SMC5: variants seen among roughly 807,000 people sequenced by gnomAD.
The protein encoded by SMC5 is structural maintenance of chromosomes protein 5.
Under a neutral mutation model 148.3 loss-of-function variants are expected in SMC5, and 88 were observed. The observed-to-expected ratio is 0.59, with a 90% CI of 0.50 to 0.71. SMC5 has a LOEUF of 0.71. Ranked by LOEUF, SMC5 falls within the 30% of genes least tolerant of loss-of-function variation. The pLI, the probability that SMC5 is intolerant of heterozygous loss-of-function variation, is 0.00. For missense variants in SMC5, 1,142 were observed against 1,298.9 expected (o/e 0.88, Z 1.86); for synonymous variants, 421 against 432.8 (o/e 0.97, Z 0.34).
intron 17 of SMC5, among the ~76,000 whole-genome samples, chr9:70,335,148 A>C (rs964818301): frequency 6.6e-6 from 1 of 152,222 alleles, no homozygotes; most frequent in South Asian, 2.1e-4. Flanking sequence ...GAATATGTCT[A>C]TGAAAGACTG....
At chr9:70,259,427 T>C (rs1231099014) in intron 1 of SMC5, among the ~76,000 whole-genome samples, 164 bp downstream of exon 1, 2 of 152,162 alleles carry the variant, frequency 1.3e-5, no homozygotes, top group Non-Finnish European at 2.9e-5. Flanking sequence ...ACGTAGGCTG[T>C]GGAGATTGAC....
Position 70,314,761 on chromosome 9 carries a change from T to C in SMC5, c.1598T>C (p.Leu533Ser). The C allele has an allele frequency of 6.4e-7, 1 of 1,554,932 alleles. No individual in the cohort carries two copies. The highest frequency in any genetic ancestry group is 1.3e-5 in the South Asian group (1 of 79,956). Residue 533 changes from leucine to serine, a missense_variant, in exon 12 of 25, where the codon TTA becomes TCA. Transcript: ENST00000361138. ...FLKEVRDNKK[L>S]RVNAVIAPKS... ...ATTCAGGTTCGTGACAATAAAAAAT[T>C]AAGAGTAAATGCTGTTATTGCTCCC...
chr9:70,323,688 G>C, intron 16 of SMC5, 82 bp downstream of exon 16: 253 of 1,294,306 alleles, frequency 2.0e-4, no homozygotes, highest in Non-Finnish European at 2.4e-4. Flanking sequence ...AGGGAGGGAA[G>C]GTTTTGATTA....
chr9:70,344,137 T>G lies in SMC5; in HGVS notation c.2398-7T>G. On this transcript the variant is annotated splice_region_variant and splice_polypyrimidine_tract_variant and intron_variant, in intron 17 of 24. Transcript: ENST00000361138. ...ATTCAAATTTTCAAAATAAATTTTT[T>G]TAATAGCAACATTTCATTGAATTGG... is the stretch of plus-strand genomic sequence containing the variant. 6.7e-7 allele frequency: 1 copy of G among 1,484,440 alleles called. No homozygotes were observed. The highest frequency in any genetic ancestry group is 9.0e-7 in the Non-Finnish European group (1 of 1,111,798). The allele number at this position is 1,484,440 out of a possible 1,614,324, so 92.0% of individuals were successfully genotyped here. A position where few individuals can be genotyped will look rare whatever the true frequency, so the allele number is the denominator to read the frequency against.
At chr9:70,259,609 C>G (rs1471328188) in intron 1 of SMC5, among the ~76,000 whole-genome samples, 1 of 152,126 alleles carries the variant, frequency 6.6e-6, no homozygotes, top group Admixed American at 6.5e-5. Flanking sequence ...GAAGTATTGT[C>G]CCCGGGAACT....
intron 16 of SMC5, 95 bp downstream of exon 16, chr9:70,323,701 GT>G: frequency 7.5e-7 from 1 of 1,341,736 alleles, no homozygotes; most frequent in Admixed American, 2.6e-5. Flanking sequence ...TTTGATTAAG[GT>G]TTTTGACATT....
At chr9:70,326,150 A>G (rs2036070009) in intron 17 of SMC5, among the ~76,000 whole-genome samples, 1 of 152,180 alleles carries the variant, frequency 6.6e-6, no homozygotes, top group African/African-American at 2.4e-5. Flanking sequence ...TTTGGAAGTA[A>G]ATTCCAACAC....
intron 24 of SMC5, among the ~76,000 whole-genome samples, chr9:70,351,552 G>A (rs1322392802): frequency 6.6e-6 from 1 of 152,044 alleles, no homozygotes; most frequent in African/African-American, 2.4e-5. Context: ...GAAGTTGCTT[G>A]AGAAGTGTTT....
At chr9:70,333,800 G>T (rs1438226773) in intron 17 of SMC5, among the ~76,000 whole-genome samples, 2 of 152,088 alleles carry the variant, frequency 1.3e-5, no homozygotes, top group Admixed American at 1.3e-4. Flanking sequence ...ACGAAAATTT[G>T]ATGAGAGAAA....
At chr9:70,324,269 G>A (rs1181255017) in intron 17 of SMC5, 126 bp downstream of exon 17, 2 of 927,348 alleles carry the variant, frequency 2.2e-6, no homozygotes, top group Non-Finnish European at 3.1e-6. Flanking sequence ...CAAATTTAAT[G>A]CATCATGTTG....
intron 3 of SMC5, among the ~76,000 whole-genome samples, chr9:70,275,654 G>A (rs1203148469): frequency 6.7e-6 from 1 of 149,830 alleles, no homozygotes; most frequent in Non-Finnish European, 1.5e-5. Flanking sequence ...TCTGATCTTA[G>A]TTTATTTGAT....
chr9:70,271,263 A>G (rs1029840677), intron 3 of SMC5, among the ~76,000 whole-genome samples: 1 of 152,136 alleles, frequency 6.6e-6, no homozygotes, highest in African/African-American at 2.4e-5. Flanking sequence ...TATAACTTTA[A>G]AAAAGTTAAT....
chr9:70,294,701 A>G lies in SMC5; in HGVS notation c.1054-3265A>G, dbSNP rs545670035. 9.2e-5 allele frequency among the ~76,000 whole-genome samples: 14 copies of G among 152,344 alleles called. No homozygotes were observed. The South Asian group carries it at 2.7e-3, about 29-fold the overall frequency. On this transcript the variant is annotated intron_variant, in intron 8 of 24. Transcript: ENST00000361138. Reference sequence around the variant, plus strand: ...TATGATTTGGGGGGCTTTATGATCTAGAACATAACCCTCCTCAGCTACCTT... The same window carrying G: ...TATGATTTGGGGGGCTTTATGATCTGGAACATAACCCTCCTCAGCTACCTT...
intron 18 of SMC5, 193 bp from the exon 19 acceptor site, chr9:70,346,412 C>CA (rs536567291): frequency 0.011 from 5,314 of 499,104 alleles, no homozygotes; most frequent in South Asian, 0.015. Flanking sequence ...TGCCTCCCCT[C>CA]AAAAAAAAAA....
chr9:70,272,572 T>C (rs2034482108), intron 3 of SMC5, among the ~76,000 whole-genome samples: 1 of 152,066 alleles, frequency 6.6e-6, no homozygotes, highest in Non-Finnish European at 1.5e-5. Context: ...AGGTCTGAGA[T>C]TCAGGTAGAA....
chr9:70,299,307 A>T (rs571795353), intron 9 of SMC5, among the ~76,000 whole-genome samples: 1 of 151,936 alleles, frequency 6.6e-6, no homozygotes, highest in Admixed American at 6.6e-5. Flanking sequence ...CACTTCATTG[A>T]TAGCTTTTAA....
chr9:70,291,006 T>C (rs11142352), intron 8 of SMC5, among the ~76,000 whole-genome samples: 2 of 152,304 alleles, frequency 1.3e-5, no homozygotes, highest in African/African-American at 2.4e-5. Context: ...TTGTTGAAAC[T>C]GAACAGTTTA....
At chr9:70,315,894 T>A (rs2035789134) in intron 13 of SMC5, among the ~76,000 whole-genome samples, 1 of 152,120 alleles carries the variant, frequency 6.6e-6, no homozygotes, top group Non-Finnish European at 1.5e-5. Flanking sequence ...TAAATCTATG[T>A]TCAAACATTG....
chr9:70,301,027 C>T (rs4745000), intron 10 of SMC5, among the ~76,000 whole-genome samples: 74,629 of 151,722 alleles, frequency 0.49, 20,989 homozygotes, highest in Non-Finnish European at 0.62. Context: ...CAATTTTTTA[C>T]CATATCTTAA....
Sources: allele counts gnomAD v4.1 joint callset (sites outside exome capture counted in the v4.1 genomes callset), GRCh38; gene constraint gnomAD v4.1.1; transcripts MANE v1.5; gene names NCBI Gene and HGNC (gene_info 2026-07-23, HGNC 2026-07-21).